CSNK1G1: variants seen among roughly 807,000 people sequenced by gnomAD.
CSNK1G1 encodes the protein casein kinase I isoform gamma-1.
Under a neutral mutation model 59.6 loss-of-function variants are expected in CSNK1G1, and 22 were observed. That is an observed-to-expected ratio of 0.37 (90% CI 0.26 to 0.53). CSNK1G1 has a LOEUF of 0.53. Ranked by LOEUF, CSNK1G1 falls within the 20% of genes least tolerant of loss-of-function variation. The pLI, the probability that CSNK1G1 is intolerant of heterozygous loss-of-function variation, is 0.89. For missense variants in CSNK1G1, 384 were observed against 519.5 expected, an observed-to-expected ratio of 0.74 and a Z score of 2.54; for synonymous variants, 179 against 177.1, an observed-to-expected ratio of 1.01 and a Z score of -0.08.
At position 64,200,414 on chromosome 15, in the gene CSNK1G1, C is replaced by G. The variant is rs1205728144; in HGVS notation, c.1107+2668G>C. 6.6e-6 allele frequency among the ~76,000 whole-genome samples: 1 copy of G among 152,080 alleles called. No individual in the cohort carries two copies. Among genetic ancestry groups the G allele is most frequent in the Non-Finnish European group, 1.5e-5 (1 of 68,014 alleles). ...AGGCTGGGGTGTAATGGTACCATCTCGTCTCACTGCAACCTCCACCTCCCA... is the reference window on the plus strand; with the variant it reads ...AGGCTGGGGTGTAATGGTACCATCTGGTCTCACTGCAACCTCCACCTCCCA... On this transcript the variant is annotated intron_variant, in intron 10 of 11. Transcript: ENST00000303052. The surrounding 1 kb of genome is among the most constrained non-coding windows in gnomAD (Gnocchi z 4.3).
intron 6 of CSNK1G1, among the ~76,000 whole-genome samples, chr15:64,211,569 T>G (rs114853556): frequency 0.012 from 1,880 of 152,266 alleles, 28 homozygotes; most frequent in African/African-American, 0.044. Flanking sequence ...AAAACAGATT[T>G]TGTTGAATAA....
rs2081924936 is a variant in CSNK1G1 at position 64,188,320 on chromosome 15, C to T, written c.1108-7866G>A. The T allele has an allele frequency of 1.5e-6, 2 of 1,360,788 alleles. No individual in the cohort carries two copies. Among genetic ancestry groups the T allele is most frequent in the Non-Finnish European group, 2.0e-6 (2 of 995,262 alleles). 84.3% of individuals were successfully genotyped at this position (1,360,788 alleles called of 1,614,324 possible). ...TGCCGAAGGTTCAGAAGCAAGCCAA[C>T]ATTCCACCAGCCAAGCTGGAAAGGC... On this transcript the variant is annotated intron_variant, in intron 10 of 11. Coordinates refer to ENST00000303052, the MANE Select transcript of CSNK1G1 (RefSeq NM_022048.5). This position sits in a 1 kb window ranked among gnomAD's most constrained non-coding sequence, Gnocchi z 4.2.
At chr15:64,229,975 G>A (rs572119581) in intron 4 of CSNK1G1, among the ~76,000 whole-genome samples, 2 of 132,074 alleles carry the variant, frequency 1.5e-5, no homozygotes, top group East Asian at 4.7e-4. Flanking sequence ...AGGCTGGAGG[G>A]CAGTGGCGCG....
intron 4 of CSNK1G1, among the ~76,000 whole-genome samples, chr15:64,217,744 A>G (rs1447703313): frequency 6.6e-6 from 1 of 150,692 alleles, no homozygotes; most frequent in Admixed American, 6.7e-5. Flanking sequence ...TGAACTCAGG[A>G]GGCGGAGGTT....
chr15:64,301,964 A>T (rs1895368776), intron 1 of CSNK1G1, among the ~76,000 whole-genome samples: 1 of 152,210 alleles, frequency 6.6e-6, no homozygotes, highest in Non-Finnish European at 1.5e-5. Context: ...ATCACCAATT[A>T]TACAACAAAG....
intron 2 of CSNK1G1, among the ~76,000 whole-genome samples, chr15:64,298,685 A>G (rs2140399226): frequency 6.6e-6 from 1 of 152,254 alleles, no homozygotes; most frequent in East Asian, 1.9e-4. Context: ...AAGGCTCTCT[A>G]TGGGGGATCA....
chr15:64,171,871 G>T lies in CSNK1G1; in HGVS notation c.*60C>A. The stretch of plus-strand genomic sequence containing the variant: ...AGTCCCTTCCAATGAGAAATGGCAG[G>T]AGCTGCAGGTACAATTGAGTCAGAG... On this transcript the variant is annotated 3_prime_UTR_variant, in exon 12 of 12. Transcript: ENST00000303052. This position sits in a 1 kb window ranked among gnomAD's most constrained non-coding sequence, Gnocchi z 4.8. 1 of 1,359,116 alleles carries T rather than the reference G, an allele frequency of 7.4e-7. No individual in the cohort carries two copies. Among genetic ancestry groups the T allele is most frequent in the South Asian group, 1.2e-5 (1 of 86,050 alleles). The allele number at this position is 1,359,116 out of a possible 1,614,324, so 84.2% of individuals were successfully genotyped here.
chr15:64,353,881 T>C (rs1015348845), intron 1 of CSNK1G1, among the ~76,000 whole-genome samples: 4 of 152,226 alleles, frequency 2.6e-5, no homozygotes, highest in African/African-American at 9.6e-5. Flanking sequence ...TTTATTTCTA[T>C]ATCGTAATAA....
In CSNK1G1 at chr15:64,188,866, G is replaced by A. The variant is rs544268233; in HGVS notation, c.1108-8412C>T. Among the ~76,000 whole-genome samples, 13 of 152,170 alleles carry A rather than the reference G, an allele frequency of 8.5e-5. No homozygotes were observed. The highest frequency in any genetic ancestry group is 1.5e-4 in the Non-Finnish European group (10 of 68,030). ...AAGATTGTTCGGAGTGGTGGCATAC[G>A]CCTATAATCTCAGCACTTTGGGAGG... On this transcript the variant is annotated intron_variant, in intron 10 of 11. Coordinates refer to ENST00000303052, the MANE Select transcript of CSNK1G1 (RefSeq NM_022048.5). This position sits in a 1 kb window ranked among gnomAD's most constrained non-coding sequence, Gnocchi z 4.2.
Position 64,251,403 on chromosome 15 carries a change from G to T in CSNK1G1, c.292+109C>A, listed in dbSNP as rs1596161116. Reference sequence around the variant, plus strand: ...TTATTTACCTATCCGGCAAGCAGGGGAGATAGATGGTTTGGTAAAAAGGGC... The same window carrying T: ...TTATTTACCTATCCGGCAAGCAGGGTAGATAGATGGTTTGGTAAAAAGGGC... On this transcript the variant is annotated intron_variant, in intron 4 of 11. Transcript: ENST00000303052. 36 of 701,100 alleles carry T rather than the reference G, an allele frequency of 5.1e-5. No individual in the cohort carries two copies. In the East Asian group the frequency reaches 9.2e-4, roughly 18 times the overall value. 43.4% of individuals were successfully genotyped at this position (701,100 alleles called of 1,614,324 possible). A position where few individuals can be genotyped will look rare whatever the true frequency, so the allele number is the denominator to read the frequency against.
intron 1 of CSNK1G1, among the ~76,000 whole-genome samples, chr15:64,351,864 G>A (rs992225853): frequency 1.1e-4 from 17 of 152,034 alleles, no homozygotes; most frequent in Non-Finnish European, 1.9e-4. Context: ...CAGAAACTCC[G>A]TCTCAAAAAC....
chr15:64,276,816 G>A lies in CSNK1G1; in HGVS notation c.182-17575C>T, dbSNP rs536371833. Among the ~76,000 whole-genome samples the A allele has an allele frequency of 1.1e-3, 168 of 151,882 alleles. 2 individuals carry two copies. The highest frequency in any genetic ancestry group is 2.9e-3 in the Admixed American group (44 of 15,246). On this transcript the variant is annotated intron_variant, in intron 2 of 11. Transcript: ENST00000303052. ...AAAAAAATTAGCTGGTGGTAGTGGC[G>A]GGCACCTGTAGTCCCAGCTACTTGA...
At chr15:64,224,139 G>A (rs1426380064) in intron 4 of CSNK1G1, among the ~76,000 whole-genome samples, 3 of 152,146 alleles carry the variant, frequency 2.0e-5, no homozygotes, top group African/African-American at 2.4e-5. Flanking sequence ...AACAACCTTG[G>A]CAAGCCCATT....
chr15:64,332,910 A>T (rs1204745587), intron 1 of CSNK1G1, among the ~76,000 whole-genome samples: 1 of 152,264 alleles, frequency 6.6e-6, no homozygotes, highest in East Asian at 1.9e-4. Context: ...TTCCTGAGAG[A>T]AAAGAAAAAC....
At chr15:64,310,745 G>A (rs1014404175) in intron 1 of CSNK1G1, among the ~76,000 whole-genome samples, 1 of 151,900 alleles carries the variant, frequency 6.6e-6, no homozygotes, top group Admixed American at 6.6e-5. Flanking sequence ...AGCGGCTCAC[G>A]CCTGTAATCC....
At chr15:64,251,290 G>T (rs1216689007) in intron 4 of CSNK1G1, 1 of 414,316 alleles carries the variant, frequency 2.4e-6, no homozygotes, top group African/African-American at 2.0e-5. Context: ...TCTGCAGGTT[G>T]GTCTGTGGGC....
rs191870279 is a variant in CSNK1G1, at chr15:64,269,618, C to T, written c.182-10377G>A. On this transcript the variant is annotated intron_variant, in intron 2 of 11. Transcript: ENST00000303052. ...AAGCGATTCTCCTGCCTCAGCCTCCCGAGTAGGTGGGATTACAGGTGCATA... is the reference window on the plus strand; with the variant it reads ...AAGCGATTCTCCTGCCTCAGCCTCCTGAGTAGGTGGGATTACAGGTGCATA... Among the ~76,000 whole-genome samples the T allele has an allele frequency of 2.6e-5, 4 of 151,686 alleles. No individual in the cohort carries two copies. In the South Asian group the frequency reaches 6.3e-4, roughly 24 times the overall value.
chr15:64,353,026 T>C (rs1205820718), intron 1 of CSNK1G1, among the ~76,000 whole-genome samples: 4 of 152,004 alleles, frequency 2.6e-5, no homozygotes, highest in East Asian at 2.0e-4. Context: ...CAGGCGGAGA[T>C]TGCAATGAGC....
In CSNK1G1 at chr15:64,188,305, T is replaced by C; in HGVS notation, c.1108-7851A>G. 1.7e-6 allele frequency: 2 copies of C among 1,191,386 alleles called. No individual in the cohort carries two copies. Among genetic ancestry groups the C allele is most frequent in the East Asian group, 5.1e-5 (2 of 38,936 alleles). The allele number at this position is 1,191,386 out of a possible 1,614,324, so 73.8% of individuals were successfully genotyped here. A position where few individuals can be genotyped will look rare whatever the true frequency, so the allele number is the denominator to read the frequency against. The stretch of plus-strand genomic sequence containing the variant: ...CTTCCTTTCTAAGGCTGCCGAAGGT[T>C]CAGAAGCAAGCCAACATTCCACCAG... On this transcript the variant is annotated intron_variant, in intron 10 of 11. Coordinates refer to ENST00000303052, the MANE Select transcript of CSNK1G1 (RefSeq NM_022048.5). The surrounding 1 kb of genome is among the most constrained non-coding windows in gnomAD (Gnocchi z 4.2).
Sources: allele counts gnomAD v4.1 joint callset (sites outside exome capture counted in the v4.1 genomes callset), GRCh38; gene constraint gnomAD v4.1.1; non-coding constraint Gnocchi (gnomAD v3.1); transcripts MANE v1.5; gene names NCBI Gene and HGNC (gene_info 2026-07-23, HGNC 2026-07-21).